The following CREB5 variants were observed in gnomAD, a reference collection of about 807,000 sequenced individuals.
CREB5 encodes cAMP responsive element binding protein 5.
A neutral mutation model predicts 57.1 loss-of-function variants in CREB5; 19 were observed. That is an observed-to-expected ratio of 0.33 (90% CI 0.23 to 0.49). CREB5 has a LOEUF of 0.49. CREB5 is among the 20% of genes least tolerant of loss of function. CREB5 has a pLI of 0.99. For synonymous variants in CREB5, 238 were observed against 238.3 expected, an observed-to-expected ratio of 1.00 and a Z score of 0.01; for missense variants, 579 against 671.6, an observed-to-expected ratio of 0.86 and a Z score of 1.52.
Position 28,561,027 on chromosome 7 carries a change from T to TGCGTGTGTGTGCGTGCGTGTGC in CREB5, c.292-9337_292-9336insCGTGTGTGTGCGTGCGTGTGCG, listed in dbSNP as rs1395507333. On this transcript the variant is annotated intron_variant, in intron 4 of 10. Coordinates refer to ENST00000357727, the MANE Select transcript of CREB5 (RefSeq NM_182898.4). ...GTGCGTGTGTGTGTGCGTGTGTGCG[T>TGCGTGTGTGTGCGTGCGTGTGC]GTGTGTGTGTGTGTGTGAAGGTATT... Among the ~76,000 whole-genome samples, 92 of 70,476 alleles carry TGCGTGTGTGTGCGTGCGTGTGC rather than the reference T, an allele frequency of 1.3e-3. 6 individuals are homozygous for TGCGTGTGTGTGCGTGCGTGTGC. The highest frequency in any genetic ancestry group is 5.6e-3 in the East Asian group (9 of 1,602). The allele number at this position is 70,476 out of a possible 152,430, so 46.2% of individuals were successfully genotyped here.
At chr7:28,324,217 A>G (rs1322296305) in intron 1 of CREB5, among the ~76,000 whole-genome samples, 1 of 152,102 alleles carries the variant, frequency 6.6e-6, no homozygotes, top group African/African-American at 2.4e-5. Context: ...CAAACCTTAC[A>G]TGATCCCATT....
intron 7 of CREB5, among the ~76,000 whole-genome samples, chr7:28,784,757 G>T (rs940539432): frequency 6.6e-6 from 1 of 152,160 alleles, no homozygotes; most frequent in African/African-American, 2.4e-5. Flanking sequence ...TGAGCGAAAC[G>T]AAGGGTTATG....
chr7:28,583,937 C>T (rs753421302), intron 5 of CREB5, among the ~76,000 whole-genome samples: 1 of 152,118 alleles, frequency 6.6e-6, no homozygotes, highest in Non-Finnish European at 1.5e-5. Flanking sequence ...CTCAGCCTCC[C>T]GAAGTGCTGG....
At chr7:28,734,860 T>G (rs1803879164) in intron 7 of CREB5, among the ~76,000 whole-genome samples, 1 of 152,214 alleles carries the variant, frequency 6.6e-6, no homozygotes, top group Non-Finnish European at 1.5e-5. Context: ...ATGTTGAAAG[T>G]TGTCTTAAAT....
chr7:28,705,694 T>A (rs1199350096), intron 5 of CREB5, among the ~76,000 whole-genome samples: 2 of 152,212 alleles, frequency 1.3e-5, no homozygotes, highest in Admixed American at 1.3e-4. Context: ...CCACATTTGT[T>A]TGCAAGTAGG....
rs572725084 is a variant in CREB5, at chr7:28,726,457, C to A, written c.702+2125C>A. Among the ~76,000 whole-genome samples the A allele has an allele frequency of 4.6e-5, 7 of 152,168 alleles. No individual in the cohort carries two copies. The East Asian group carries it at 1.2e-3, about 25-fold the overall frequency. On this transcript the variant is annotated intron_variant, in intron 7 of 10. Coordinates refer to ENST00000357727, the MANE Select transcript of CREB5 (RefSeq NM_182898.4). ...GAAATCAGTTATTGCCATATACTAA[C>A]CATATAGTATTTTCTAGCAGCTTTG...
chr7:28,406,402 C>T (rs1279185221), intron 1 of CREB5, among the ~76,000 whole-genome samples: 1 of 152,208 alleles, frequency 6.6e-6, no homozygotes, highest in East Asian at 1.9e-4. Flanking sequence ...TGCATAGGTC[C>T]AACCTCTCTG....
At chr7:28,633,026 C>T (rs1798264984) in intron 5 of CREB5, among the ~76,000 whole-genome samples, 1 of 152,136 alleles carries the variant, frequency 6.6e-6, no homozygotes, top group Non-Finnish European at 1.5e-5. Flanking sequence ...ACTTCCATAG[C>T]TCTTATCCTG....
intron 5 of CREB5, among the ~76,000 whole-genome samples, chr7:28,581,796 G>C (rs545169091): frequency 1.3e-5 from 2 of 152,300 alleles, no homozygotes; most frequent in African/African-American, 4.8e-5. Flanking sequence ...GGGAAGACCC[G>C]GGTGACCTCA....
rs199805172 is a variant in CREB5 at position 28,818,119 on chromosome 7, T to C, written c.1303T>C (p.Leu435=). ...KNEVAQLKQL[L]LTHKDCPITA... ...TGAGGTGGCCCAGCTGAAACAGTTGTTGTTAACACATAAAGACTGCCCAAT... is the reference window on the plus strand; with the variant it reads ...TGAGGTGGCCCAGCTGAAACAGTTGCTGTTAACACATAAAGACTGCCCAAT... The change falls in exon 10 of 11, where the codon TTG becomes CTG. Residue 435 remains leucine (L), a synonymous_variant. Coordinates refer to ENST00000357727, the MANE Select transcript of CREB5 (RefSeq NM_182898.4). The C allele has an allele frequency of 6.2e-7, 1 of 1,613,812 alleles. No homozygotes were observed. Among genetic ancestry groups the C allele is most frequent in the African/African-American group, 1.3e-5 (1 of 75,022 alleles).
intron 4 of CREB5, among the ~76,000 whole-genome samples, chr7:28,569,008 C>T (rs1795594158): frequency 6.6e-6 from 1 of 152,020 alleles, no homozygotes; most frequent in Admixed American, 6.5e-5. Context: ...ATTTTTTTCC[C>T]TCCCATCTTC....
intron 7 of CREB5, among the ~76,000 whole-genome samples, chr7:28,790,428 A>AAGAGAGAGAGAGAGAGAGAGAG (rs370615013): frequency 3.5e-5 from 4 of 115,694 alleles, no homozygotes; most frequent in Non-Finnish European, 5.5e-5. Context: ...GAAAGAAAGA[A>AAGAGAGAGAGAGAGAGAGAGAG]AGAGAGAGAG....
intron 4 of CREB5, among the ~76,000 whole-genome samples, chr7:28,515,635 C>G (rs895987798): frequency 7.9e-5 from 12 of 152,098 alleles, no homozygotes; most frequent in Admixed American, 5.9e-4. Context: ...GGACTCAGCT[C>G]CCTCCCTACC....
At chr7:28,801,435 C>T (rs1019641793) in intron 7 of CREB5, among the ~76,000 whole-genome samples, 2 of 152,068 alleles carry the variant, frequency 1.3e-5, no homozygotes, top group Non-Finnish European at 2.9e-5. Context: ...TCCTTAAATT[C>T]GGAAGTATCA....
At chr7:28,523,208 A>G (rs970940228) in intron 4 of CREB5, among the ~76,000 whole-genome samples, 7 of 152,206 alleles carry the variant, frequency 4.6e-5, no homozygotes, top group African/African-American at 7.2e-5. Context: ...TGGGTGTCAT[A>G]GGAGTTTTGG....
chr7:28,510,086 T>C (rs1792640549), intron 4 of CREB5, among the ~76,000 whole-genome samples: 1 of 152,162 alleles, frequency 6.6e-6, no homozygotes, highest in Non-Finnish European at 1.5e-5. Context: ...TGGCATTTCT[T>C]TGGAAGTCAC....
chr7:28,766,632 C>CA (rs1229778666), intron 7 of CREB5, among the ~76,000 whole-genome samples: 4 of 152,196 alleles, frequency 2.6e-5, no homozygotes, highest in African/African-American at 9.7e-5. Flanking sequence ...TTGGAGCACC[C>CA]ACGGGCTGGA....
At chr7:28,647,016 A>G (rs2128704499) in intron 5 of CREB5, among the ~76,000 whole-genome samples, 1 of 152,226 alleles carries the variant, frequency 6.6e-6, no homozygotes, top group Non-Finnish European at 1.5e-5. Flanking sequence ...GTGGAGATGT[A>G]TCTTGGTAAT....
At chr7:28,356,546 G>C (rs780481045) in intron 1 of CREB5, among the ~76,000 whole-genome samples, 2 of 152,186 alleles carry the variant, frequency 1.3e-5, no homozygotes, top group South Asian at 4.1e-4. Context: ...TTTTGGGGGC[G>C]AACGTGATAA....
Sources: allele counts gnomAD v4.1 joint callset (sites outside exome capture counted in the v4.1 genomes callset), GRCh38; gene constraint gnomAD v4.1.1; transcripts MANE v1.5; gene names NCBI Gene and HGNC (gene_info 2026-07-23, HGNC 2026-07-21).